Variants in FAM107A observed in about 807,000 individuals in gnomAD.
The protein encoded by FAM107A is family with sequence similarity 107 member A, also known as actin-associated protein FAM107A.
A neutral mutation model predicts 13.7 loss-of-function variants in FAM107A; 19 were observed. The observed-to-expected ratio is 1.38, with a 90% CI of 0.97 to 2.03. FAM107A has a LOEUF of 2.03. Ranked by LOEUF, FAM107A falls within the 30% of genes most tolerant of loss-of-function variation. The pLI is 0.00. For synonymous variants in FAM107A, 82 were observed against 74.5 expected (o/e 1.10, Z -0.52); for missense variants, 203 against 184.4 (o/e 1.10, Z -0.58).
At chr3:58,616,782 CT>C (rs569970348) in intron 1 of FAM107A, among the ~76,000 whole-genome samples, 13 of 148,744 alleles carry the variant, frequency 8.7e-5, no homozygotes, top group East Asian at 2.0e-4. Context: ...TCCCCAGTTT[CT>C]TTTTTTTTTA....
At chr3:58,586,211 C>G (rs2065604167) in intron 1 of FAM107A, among the ~76,000 whole-genome samples, 1 of 123,838 alleles carries the variant, frequency 8.1e-6, no homozygotes, top group African/African-American at 3.2e-5. Flanking sequence ...TCTCCTGGCC[C>G]AAACTTCCTG....
upstream of FAM107A, among the ~76,000 whole-genome samples, chr3:58,588,449 T>A (rs1005279213): frequency 3.3e-5 from 5 of 152,180 alleles, no homozygotes; most frequent in Admixed American, 3.3e-4. Context: ...CCAGACACCA[T>A]CCAGTGTCCT....
At chr3:58,615,552 T>C (rs150118290) in intron 1 of FAM107A, among the ~76,000 whole-genome samples, 1 of 152,158 alleles carries the variant, frequency 6.6e-6, no homozygotes, top group Admixed American at 6.6e-5. Flanking sequence ...GTAAGCTCTG[T>C]GAAGGAACTG....
chr3:58,575,926 G>A (rs978821990), intron 1 of FAM107A, among the ~76,000 whole-genome samples: 1 of 152,204 alleles, frequency 6.6e-6, no homozygotes, highest in African/African-American at 2.4e-5. Flanking sequence ...GCTGGGTTCC[G>A]AACACATTCA....
At position 58,565,044 on chromosome 3, in the gene FAM107A, C is replaced by A. The variant is rs1181268026; in HGVS notation, c.*1544G>T. 1 of 152,218 alleles carries A rather than the reference C, an allele frequency of 6.6e-6. No individual in the cohort carries two copies. Among genetic ancestry groups the A allele is most frequent in the Non-Finnish European group, 1.5e-5 (1 of 68,050 alleles). The allele number at this position is 152,218 out of a possible 1,614,324, so 9.4% of individuals were successfully genotyped here. ...GCATGCCAGTGGCAGCTATCTGTGG[C>A]AGTTTTGGGAAAGTGAAAGGAGATG... On this transcript the variant is annotated 3_prime_UTR_variant, in exon 4 of 4. Transcript: ENST00000360997.
intron 1 of FAM107A, among the ~76,000 whole-genome samples, chr3:58,618,174 G>T (rs770195080): frequency 2.6e-5 from 4 of 152,212 alleles, no homozygotes; most frequent in Non-Finnish European, 5.9e-5. Context: ...GCCCAGGTTG[G>T]CTGTGTTGTG....
At chr3:58,601,879 C>A (rs1188203273) in intron 1 of FAM107A, among the ~76,000 whole-genome samples, 4 of 152,144 alleles carry the variant, frequency 2.6e-5, no homozygotes, top group Non-Finnish European at 2.9e-5. Flanking sequence ...TTTCGTTAAG[C>A]AGATCTGGTT....
At chr3:58,601,662 C>A (rs1368020265) in intron 1 of FAM107A, among the ~76,000 whole-genome samples, 2 of 152,100 alleles carry the variant, frequency 1.3e-5, no homozygotes, top group Non-Finnish European at 2.9e-5. Flanking sequence ...AAATTCTTAC[C>A]ATTGGGATTT....
At chr3:58,623,890 C>T (rs1575460566) in intron 1 of FAM107A, among the ~76,000 whole-genome samples, 1 of 152,238 alleles carries the variant, frequency 6.6e-6, no homozygotes, top group African/African-American at 2.4e-5. Context: ...CATTTAGCAG[C>T]CCCTTTAAGG....
intron 1 of FAM107A, among the ~76,000 whole-genome samples, chr3:58,618,599 T>C (rs1052167449): frequency 3.9e-5 from 6 of 152,246 alleles, no homozygotes; most frequent in Admixed American, 6.5e-5. Flanking sequence ...GGAGGTGGAC[T>C]AAGATTAAAG....
At chr3:58,626,905 C>G in intron 1 of FAM107A, 1 of 1,492,028 alleles carries the variant, frequency 6.7e-7, no homozygotes, top group Non-Finnish European at 9.0e-7. Context: ...GTCGGGGCTC[C>G]CACTTGCTAG....
chr3:58,598,814 G>T (rs1255177938), intron 1 of FAM107A, among the ~76,000 whole-genome samples: 1 of 151,872 alleles, frequency 6.6e-6, no homozygotes, highest in Admixed American at 6.6e-5. Flanking sequence ...ATATTTCTAT[G>T]TTGGTATATG....
intron 1 of FAM107A, among the ~76,000 whole-genome samples, chr3:58,616,432 C>T (rs146386462): frequency 1.1e-3 from 174 of 151,834 alleles, no homozygotes; most frequent in African/African-American, 4.2e-3. Flanking sequence ...ACTTTATTTC[C>T]AAATGTAGAT....
rs2063658070 is a variant in FAM107A, at chr3:58,569,432, G to A, written c.170+259C>T. On this transcript the variant is annotated intron_variant, in intron 2 of 3. Transcript: ENST00000360997. This position sits in a 1 kb window ranked among gnomAD's most constrained non-coding sequence, Gnocchi z 5.7. ...GTGCCCAGCACATAGTAGGTACTCA[G>A]TAAATGTATCTGGAGTGTGGGCATG... Among the ~76,000 whole-genome samples the A allele has an allele frequency of 6.6e-6, 1 of 152,214 alleles. No homozygotes were observed. Among genetic ancestry groups the A allele is most frequent in the African/African-American group, 2.4e-5 (1 of 41,466 alleles).
In FAM107A at chr3:58,566,599, T is replaced by C. The variant is rs2063623756; in HGVS notation, c.424A>G (p.Arg142Gly). The change falls in exon 4 of 4, where the codon AGA becomes GGA. Residue 142 changes from arginine (R) to glycine (G), a missense_variant. By Grantham distance (125) the Arg-to-Gly change is moderately radical. Coordinates refer to ENST00000360997, the MANE Select transcript of FAM107A (RefSeq NM_001076778.3). Reference sequence around the variant, plus strand: ...CCCGGCAGCTGGCCCTACAGCTCTCTCTCTTCGCTGGTCAGTGTGGCAATT... The same window carrying C: ...CCCGGCAGCTGGCCCTACAGCTCTCCCTCTTCGCTGGTCAGTGTGGCAATT... ...RRIATLTSEE[R>G]EL 3 of 1,613,312 alleles carry C rather than the reference T, an allele frequency of 1.9e-6. No individual in the cohort carries two copies. Among genetic ancestry groups the C allele is most frequent in the East Asian group, 2.2e-5 (1 of 44,874 alleles).
At chr3:58,619,448 G>C (rs1239882650) in intron 1 of FAM107A, among the ~76,000 whole-genome samples, 1 of 152,166 alleles carries the variant, frequency 6.6e-6, no homozygotes. Flanking sequence ...AGGCTGAAGA[G>C]GGCTGGAAAA....
rs1163164252 is a variant in FAM107A, at chr3:58,604,933, AGT to A, written c.-69-15666_-69-15665del. On this transcript the variant is annotated intron_variant, in intron 1 of 3. Coordinates refer to the FAM107A transcript ENST00000465970. The surrounding 1 kb of genome is among the most constrained non-coding windows in gnomAD (Gnocchi z 4.1). ...TGGATTTTGTTATCTTTTTCTGATG[AGT>A]GTTAGGTTTTGTTTTAGCAGGCAGT... Among the ~76,000 whole-genome samples the A allele has an allele frequency of 1.3e-3, 202 of 152,102 alleles. 3 individuals are homozygous for A. The highest frequency in any genetic ancestry group is 4.6e-3 in the African/African-American group (192 of 41,488).
upstream of FAM107A, among the ~76,000 whole-genome samples, chr3:58,579,301 G>A (rs2065497616): frequency 6.6e-6 from 1 of 152,076 alleles, no homozygotes; most frequent in Admixed American, 6.5e-5. Context: ...GGAGTGGGAG[G>A]GACAGGGCAG....
At chr3:58,582,377 C>G (rs1039354746), upstream of FAM107A, among the ~76,000 whole-genome samples, 1 of 152,188 alleles carries the variant, frequency 6.6e-6, no homozygotes, top group Non-Finnish European at 1.5e-5. Flanking sequence ...TGCTGATGCC[C>G]GCAGGCACCT....
Sources: allele counts gnomAD v4.1 joint callset (sites outside exome capture counted in the v4.1 genomes callset), GRCh38; gene constraint gnomAD v4.1.1; non-coding constraint Gnocchi (gnomAD v3.1); transcripts MANE v1.5; gene names NCBI Gene and HGNC (gene_info 2026-07-23, HGNC 2026-07-21).